Variants in ZNF804B observed in about 807,000 individuals in gnomAD.
ZNF804B encodes the protein zinc finger 804B.
A neutral mutation model predicts 101.4 loss-of-function variants in ZNF804B; 80 were observed. The observed-to-expected ratio is 0.79, with a 90% CI of 0.66 to 0.95. The LOEUF is 0.95. Ranked by LOEUF, ZNF804B falls within the 40% of genes least tolerant of loss-of-function variation. The pLI is 0.00. For missense variants in ZNF804B, 1,673 were observed against 1,561.9 expected, an observed-to-expected ratio of 1.07 and a Z score of -1.20; for synonymous variants, 622 against 558.8, an observed-to-expected ratio of 1.11 and a Z score of -1.59.
chr7:88,863,105 C>T (rs939257824), intron 1 of ZNF804B, among the ~76,000 whole-genome samples: 10 of 152,188 alleles, frequency 6.6e-5, no homozygotes, highest in African/African-American at 2.4e-5. Context: ...CTACTGTCTC[C>T]GTGCTCACTA....
At chr7:88,810,248 C>T (rs1178413200) in intron 1 of ZNF804B, among the ~76,000 whole-genome samples, 1 of 151,644 alleles carries the variant, frequency 6.6e-6, no homozygotes, top group Non-Finnish European at 1.5e-5. Context: ...TGGTTTTCTA[C>T]CTTGCTTTTA....
At chr7:88,764,591 G>A (rs1176816850) in intron 1 of ZNF804B, among the ~76,000 whole-genome samples, 1 of 152,102 alleles carries the variant, frequency 6.6e-6, no homozygotes, top group Non-Finnish European at 1.5e-5. Flanking sequence ...AATGAAAGAA[G>A]TTCTAGAAGA....
chr7:88,981,779 T>G (rs1043061500), intron 1 of ZNF804B, among the ~76,000 whole-genome samples: 1 of 151,984 alleles, frequency 6.6e-6, no homozygotes, highest in Non-Finnish European at 1.5e-5. Flanking sequence ...TGAACTCTAA[T>G]GCAAAGTCCC....
At chr7:88,858,978 C>T (rs184954916) in intron 1 of ZNF804B, among the ~76,000 whole-genome samples, 1 of 151,912 alleles carries the variant, frequency 6.6e-6, no homozygotes, top group East Asian at 1.9e-4. Flanking sequence ...TATGAACATT[C>T]CCTGAATGTT....
At chr7:89,122,050 T>G (rs2116367374) in intron 1 of ZNF804B, among the ~76,000 whole-genome samples, 1 of 151,594 alleles carries the variant, frequency 6.6e-6, no homozygotes, top group Non-Finnish European at 1.5e-5. Flanking sequence ...TTATGCTATA[T>G]GTTAAATTAT....
chr7:89,248,763 G>A (rs1231046693), intron 2 of ZNF804B, among the ~76,000 whole-genome samples: 1 of 151,918 alleles, frequency 6.6e-6, no homozygotes, highest in East Asian at 1.9e-4. Flanking sequence ...AAAAACTCAC[G>A]ACAGGATCAA....
chr7:89,072,036 C>G (rs1478185509), intron 1 of ZNF804B, among the ~76,000 whole-genome samples: 1 of 152,122 alleles, frequency 6.6e-6, no homozygotes, highest in Non-Finnish European at 1.5e-5. Context: ...CTGATAGAGG[C>G]CATTCTTCAG....
intron 1 of ZNF804B, among the ~76,000 whole-genome samples, chr7:89,089,904 A>G (rs1325322639): frequency 4.6e-5 from 7 of 152,114 alleles, no homozygotes; most frequent in Admixed American, 3.9e-4. Flanking sequence ...GCTAACTGAT[A>G]TATAAGGTGA....
At chr7:89,184,576 A>G (rs540992489) in intron 1 of ZNF804B, among the ~76,000 whole-genome samples, 3 of 152,136 alleles carry the variant, frequency 2.0e-5, no homozygotes, top group Non-Finnish European at 4.4e-5. Context: ...AATTTAGTGC[A>G]TATGTTTCTC....
chr7:89,168,931 C>G (rs1363009600), intron 1 of ZNF804B, among the ~76,000 whole-genome samples: 1 of 152,054 alleles, frequency 6.6e-6, no homozygotes, highest in Non-Finnish European at 1.5e-5. Flanking sequence ...GTTCTCTGAC[C>G]TGGGGTTCTT....
At chr7:89,141,748 A>T (rs1354649295) in intron 1 of ZNF804B, among the ~76,000 whole-genome samples, 1 of 151,950 alleles carries the variant, frequency 6.6e-6, no homozygotes, top group East Asian at 1.9e-4. Flanking sequence ...CTTTTTAAGT[A>T]AAGAATTTTA....
intron 1 of ZNF804B, among the ~76,000 whole-genome samples, chr7:88,792,342 A>T (rs1790394135): frequency 6.6e-6 from 1 of 152,132 alleles, no homozygotes; most frequent in African/African-American, 2.4e-5. Context: ...CTGATTTATA[A>T]ATATATAATT....
Position 89,285,591 on chromosome 7 carries a change from A to G in ZNF804B, c.250-41753A>G, listed in dbSNP as rs571543541. Among the ~76,000 whole-genome samples, 43 of 144,416 alleles carry G rather than the reference A, an allele frequency of 3.0e-4. 1 individual carries two copies. The highest frequency in any genetic ancestry group is 1.2e-3 in the African/African-American group (42 of 35,712). 94.7% of individuals were successfully genotyped at this position (144,416 alleles called of 152,430 possible). A position where few individuals can be genotyped will look rare whatever the true frequency, so the allele number is the denominator to read the frequency against. On this transcript the variant is annotated intron_variant, in intron 2 of 3. Transcript: ENST00000333190. Reference sequence around the variant, plus strand: ...AGAAGAAGAAGAAAATAAAATGATTATTGAAGAGAAGGGATATCTGCCTGA... The same window carrying G: ...AGAAGAAGAAGAAAATAAAATGATTGTTGAAGAGAAGGGATATCTGCCTGA...
intron 1 of ZNF804B, among the ~76,000 whole-genome samples, chr7:88,801,555 T>C (rs2115711792): frequency 6.6e-6 from 1 of 152,248 alleles, no homozygotes; most frequent in South Asian, 2.1e-4. Context: ...TAACAGTAAA[T>C]TGTTTCAACT....
At chr7:89,274,383 TC>T (rs1232065361) in intron 2 of ZNF804B, among the ~76,000 whole-genome samples, 1 of 130,346 alleles carries the variant, frequency 7.7e-6, no homozygotes, top group Non-Finnish European at 1.6e-5. Flanking sequence ...ATTGTTCAAT[TC>T]CCACCTATGA....
At chr7:88,840,461 A>G (rs923987196) in intron 1 of ZNF804B, among the ~76,000 whole-genome samples, 1 of 152,114 alleles carries the variant, frequency 6.6e-6, no homozygotes, top group African/African-American at 2.4e-5. Context: ...AATGCCATGA[A>G]TTTTATTTAC....
At chr7:88,966,080 C>A (rs1250754784) in intron 1 of ZNF804B, among the ~76,000 whole-genome samples, 2 of 151,264 alleles carry the variant, frequency 1.3e-5, no homozygotes, top group Non-Finnish European at 3.0e-5. Context: ...AAGATAGAAG[C>A]TTTCATAATT....
chr7:89,198,991 G>A (rs1156899047), intron 1 of ZNF804B, among the ~76,000 whole-genome samples: 1 of 151,774 alleles, frequency 6.6e-6, no homozygotes, highest in African/African-American at 2.4e-5. Context: ...GCAATAAAGG[G>A]CACTGGTGTC....
chr7:88,824,131 CA>C (rs2115766949), intron 1 of ZNF804B, among the ~76,000 whole-genome samples: 1 of 152,208 alleles, frequency 6.6e-6, no homozygotes, highest in African/African-American at 2.4e-5. Flanking sequence ...TTTCTGAGAG[CA>C]TTAGAAAAGA....
Sources: gnomAD v4.1 joint callset for allele counts (sites outside exome capture counted in the v4.1 genomes callset) on GRCh38, gnomAD v4.1.1 for gene constraint, MANE v1.5 for transcripts, NCBI Gene and HGNC (gene_info 2026-07-23, HGNC 2026-07-21) for gene names.